Variants in SYNE3 observed in about 807,000 individuals in gnomAD.
SYNE3 encodes the protein nesprin-3.
SYNE3 carries 100 observed loss-of-function variants against 111.2 expected under a neutral mutation model. The observed-to-expected ratio is 0.90, with a 90% CI of 0.77 to 1.06. The LOEUF (loss-of-function observed/expected upper bound fraction) is 1.06. SYNE3 is among the 50% of genes least tolerant of loss of function. The pLI is 0.00. For missense variants in SYNE3, 1,160 were observed against 1,240.3 expected, an observed-to-expected ratio of 0.94 and a Z score of 0.97; for synonymous variants, 547 against 533.9, an observed-to-expected ratio of 1.02 and a Z score of -0.34.
chr14:95,475,170 G>A (rs1242163540), intron 2 of SYNE3, among the ~76,000 whole-genome samples: 1 of 152,266 alleles, frequency 6.6e-6, no homozygotes, highest in Admixed American at 6.5e-5. Flanking sequence ...ACATGGTCTT[G>A]TGCCAGGTGG....
chr14:95,407,364 A>G lies in SYNE3; in HGVS notation c.*10462T>C, dbSNP rs1204285552. On this transcript the variant is annotated 3_prime_UTR_variant, in exon 18 of 18. Coordinates refer to ENST00000682763, the MANE Select transcript of SYNE3 (RefSeq NM_152592.6). ...CAAAAACGTCAAACCATCTTTTAGA[A>G]CACTGCTACTTCCAACTTGCACAAA... 1 of 152,240 alleles carries G rather than the reference A, an allele frequency of 6.6e-6. No individual in the cohort carries two copies. The highest frequency in any genetic ancestry group is 1.5e-5 in the Non-Finnish European group (1 of 68,042). The allele number at this position is 152,240 out of a possible 1,614,324, so 9.4% of individuals were successfully genotyped here. A position where few individuals can be genotyped will look rare whatever the true frequency, so the allele number is the denominator to read the frequency against.
At position 95,409,680 on chromosome 14, in the gene SYNE3, G is replaced by A. The variant is rs1025881385; in HGVS notation, c.*8146C>T. ...GAGCCTGTGTTTTAATGTTCTTTTA[G>A]AAACAAATTCCTCCTTGTTCTTACT... is the stretch of plus-strand genomic sequence containing the variant. On this transcript the variant is annotated 3_prime_UTR_variant, in exon 18 of 18. Coordinates refer to ENST00000682763, the MANE Select transcript of SYNE3 (RefSeq NM_152592.6). The A allele has an allele frequency of 1.8e-4, 56 of 309,290 alleles. No individual in the cohort carries two copies. Among genetic ancestry groups the A allele is most frequent in the African/African-American group, 1.1e-3 (53 of 46,096 alleles). 19.2% of individuals were successfully genotyped at this position (309,290 alleles called of 1,614,324 possible).
chr14:95,418,087 T>A, intron 17 of SYNE3, 61 bp from the exon 18 acceptor site: 1 of 1,576,646 alleles, frequency 6.3e-7, no homozygotes, highest in Non-Finnish European at 8.6e-7. Context: ...GGGGGCAGGT[T>A]CAGGGGGCGA....
chr14:95,484,224 G>A (rs972812578), intron 1 of SYNE3, among the ~76,000 whole-genome samples: 6 of 152,208 alleles, frequency 3.9e-5, no homozygotes, highest in Admixed American at 6.5e-5. Context: ...AGTGGAGGGG[G>A]CAGAGTGTAT....
rs889064086 is a variant in SYNE3 at position 95,408,144 on chromosome 14, T to C, written c.*9682A>G. The C allele has an allele frequency of 1.3e-5, 2 of 152,086 alleles. No individual in the cohort carries two copies. The highest frequency in any genetic ancestry group is 2.9e-5 in the Non-Finnish European group (2 of 68,036). The allele number at this position is 152,086 out of a possible 1,614,324, so 9.4% of individuals were successfully genotyped here. A position where few individuals can be genotyped will look rare whatever the true frequency, so the allele number is the denominator to read the frequency against. ...TCTACCCGACCTGCTGCCTCCAGGATGGGTTCTGAGGAGACATGGGGCCCT... is the reference window on the plus strand; with the variant it reads ...TCTACCCGACCTGCTGCCTCCAGGACGGGTTCTGAGGAGACATGGGGCCCT... On this transcript the variant is annotated 3_prime_UTR_variant, in exon 18 of 18. Coordinates refer to ENST00000682763, the MANE Select transcript of SYNE3 (RefSeq NM_152592.6).
intron 1 of SYNE3, among the ~76,000 whole-genome samples, chr14:95,479,999 T>C (rs533384517): frequency 6.6e-6 from 1 of 152,200 alleles, no homozygotes; most frequent in East Asian, 1.9e-4. Flanking sequence ...CCAGCATGCC[T>C]CTCTGGCACG....
At chr14:95,438,814 CT>C in intron 14 of SYNE3, 1 of 567,376 alleles carries the variant, frequency 1.8e-6, no homozygotes, top group Non-Finnish European at 3.1e-6. Flanking sequence ...CCCTGGTGGC[CT>C]GGCTCTGCAG....
At chr14:95,473,429 A>C (rs1888655671) in intron 2 of SYNE3, among the ~76,000 whole-genome samples, 2 of 152,086 alleles carry the variant, frequency 1.3e-5, no homozygotes, top group African/African-American at 4.8e-5. Flanking sequence ...GCTCACAGAC[A>C]GGTAAGGTCA....
Position 95,408,838 on chromosome 14 carries a change from G to A in SYNE3, c.*8988C>T, listed in dbSNP as rs116386484. On this transcript the variant is annotated 3_prime_UTR_variant, in exon 18 of 18. Coordinates refer to ENST00000682763, the MANE Select transcript of SYNE3 (RefSeq NM_152592.6). ...AGGAATTGGAACTGCTCAGCAGGCA[G>A]AGACCGCGCAAAGCCAACTCTGTCC... The A allele has an allele frequency of 4.8e-3, 1,504 of 314,030 alleles. 20 individuals are homozygous for A. The highest frequency in any genetic ancestry group is 0.03 in the African/African-American group (1,411 of 46,318). The allele number at this position is 314,030 out of a possible 1,614,324, so 19.5% of individuals were successfully genotyped here.
intron 1 of SYNE3, among the ~76,000 whole-genome samples, chr14:95,482,544 C>T (rs1267228784): frequency 1.3e-5 from 2 of 152,148 alleles, no homozygotes; most frequent in East Asian, 1.9e-4. Flanking sequence ...ATCTCGTTAG[C>T]GAACTCCCCT....
chr14:95,457,422 GT>G, intron 4 of SYNE3, 84 bp from the exon 5 acceptor site: 15 of 1,027,812 alleles, frequency 1.5e-5, no homozygotes, highest in African/African-American at 4.7e-5. Context: ...CTGCCTGGGT[GT>G]GTGTGTGTGT....
intron 1 of SYNE3, among the ~76,000 whole-genome samples, chr14:95,495,045 G>A (rs1342322843): frequency 4.0e-5 from 6 of 151,858 alleles, no homozygotes; most frequent in African/African-American, 1.5e-4. Context: ...CTGGGAGGCG[G>A]AGGTTGCAGT....
chr14:95,428,958 C>T (rs570879213), intron 17 of SYNE3, among the ~76,000 whole-genome samples: 1 of 152,308 alleles, frequency 6.6e-6, no homozygotes, highest in East Asian at 1.9e-4. Context: ...CCCCCTTTCC[C>T]CTTAGACCAA....
chr14:95,466,653 A>G (rs1427208891), intron 3 of SYNE3, among the ~76,000 whole-genome samples: 1 of 152,172 alleles, frequency 6.6e-6, no homozygotes, highest in East Asian at 1.9e-4. Context: ...CAGTTTCTCC[A>G]GGCCGCTGGC....
At chr14:95,477,638 C>T (rs1888970304) in intron 1 of SYNE3, among the ~76,000 whole-genome samples, 1 of 152,150 alleles carries the variant, frequency 6.6e-6, no homozygotes, top group Admixed American at 6.5e-5. Context: ...CGTGCTGGGC[C>T]AAAGGATGTG....
chr14:95,506,858 C>T (rs1049035479), intron 1 of SYNE3, among the ~76,000 whole-genome samples: 2 of 152,138 alleles, frequency 1.3e-5, no homozygotes, highest in Non-Finnish European at 2.9e-5. Flanking sequence ...TTGCCACAGG[C>T]GACAAAATCA....
intron 11 of SYNE3, among the ~76,000 whole-genome samples, chr14:95,441,117 T>C (rs1486042022): frequency 6.6e-6 from 1 of 152,216 alleles, no homozygotes; most frequent in Non-Finnish European, 1.5e-5. Flanking sequence ...GCCGTTCCCA[T>C]TCCAGCTGTG....
intron 7 of SYNE3, chr14:95,452,008 C>G (rs564162216): frequency 5.1e-5 from 19 of 374,574 alleles, no homozygotes; most frequent in African/African-American, 3.5e-4. Flanking sequence ...GGATGGGTGG[C>G]TGAGCCACTA....
At chr14:95,447,199 T>C (rs976826573) in intron 8 of SYNE3, among the ~76,000 whole-genome samples, 1 of 149,626 alleles carries the variant, frequency 6.7e-6, no homozygotes, top group Non-Finnish European at 1.5e-5. Flanking sequence ...AGTGGCACGA[T>C]CTCAGCTCAC....
Sources: allele counts gnomAD v4.1 joint callset (sites outside exome capture counted in the v4.1 genomes callset), GRCh38; gene constraint gnomAD v4.1.1; transcripts MANE v1.5; gene names NCBI Gene and HGNC (gene_info 2026-07-23, HGNC 2026-07-21).